The following RASSF5 variants were observed in gnomAD, a reference collection of about 807,000 sequenced individuals.
The protein encoded by RASSF5 is ras association domain-containing protein 5.
A neutral mutation model predicts 40.5 loss-of-function variants in RASSF5; 25 were observed. That is an observed-to-expected ratio of 0.62 (90% CI 0.45 to 0.86). RASSF5 has a LOEUF of 0.86. Among genes scored for constraint, RASSF5 ranks in the 40% least tolerant of loss-of-function variants. The probability of loss-of-function intolerance (pLI) is 0.00; values close to 1 mark genes in which losing one functional copy is unlikely to be tolerated. For synonymous variants in RASSF5, 246 were observed against 252.4 expected (o/e 0.97, Z 0.24); for missense variants, 521 against 572.8 (o/e 0.91, Z 0.92).
In RASSF5 at chr1:206,507,535, CG is replaced by C; in HGVS notation, c.-64del. 1 of 1,260,786 alleles carries C rather than the reference CG, an allele frequency of 7.9e-7. No individual in the cohort carries two copies. Among genetic ancestry groups the C allele is most frequent in the East Asian group, 3.1e-5 (1 of 31,814 alleles). The allele number at this position is 1,260,786 out of a possible 1,614,324, so 78.1% of individuals were successfully genotyped here. A position where few individuals can be genotyped will look rare whatever the true frequency, so the allele number is the denominator to read the frequency against. On this transcript the variant is annotated 5_prime_UTR_variant, in exon 1 of 6. Coordinates refer to ENST00000579436, the MANE Select transcript of RASSF5 (RefSeq NM_182663.4). ...GCTGGTGTGGGGCGGCCCCTTCTCT[CG>C]GGGCTGGCTCGGGAGTAGCGCAGTC...
intron 5 of RASSF5, chr1:206,586,617 C>A: frequency 1.8e-6 from 1 of 548,364 alleles, no homozygotes; most frequent in Non-Finnish European, 3.3e-6. Context: ...AACTCTTGGT[C>A]ATGAGATGCC....
At chr1:206,553,226 C>T (rs1667893078) in intron 2 of RASSF5, among the ~76,000 whole-genome samples, 1 of 151,898 alleles carries the variant, frequency 6.6e-6, no homozygotes, top group Non-Finnish European at 1.5e-5. Context: ...AAGAAAAGGG[C>T]TCAGTAAATA....
intron 2 of RASSF5, chr1:206,542,549 A>G (rs951257815): frequency 6.6e-6 from 1 of 152,166 alleles, no homozygotes; most frequent in Non-Finnish European, 1.5e-5. Flanking sequence ...AGGTATTCCT[A>G]TATAGCAACA....
chr1:206,542,726 A>C (rs946227710), intron 2 of RASSF5: 1 of 152,220 alleles, frequency 6.6e-6, no homozygotes, highest in Non-Finnish European at 1.5e-5. Flanking sequence ...CTATTTACTT[A>C]ACATTTCTCT....
Position 206,532,508 on chromosome 1 carries a change from G to C in RASSF5, c.458-5664G>C, listed in dbSNP as rs1279750041. 2.6e-5 allele frequency among the ~76,000 whole-genome samples: 4 copies of C among 152,242 alleles called. No homozygotes were observed. In the East Asian group the frequency reaches 7.7e-4, roughly 29 times the overall value. ...TCCATGACATCACAGCATAGGCCAGGCTGCTGGTCCTCAGGGAGAGAGGGA... is the reference window on the plus strand; with the variant it reads ...TCCATGACATCACAGCATAGGCCAGCCTGCTGGTCCTCAGGGAGAGAGGGA... On this transcript the variant is annotated intron_variant, in intron 1 of 5. Transcript: ENST00000579436.
chr1:206,561,579 G>A (rs12562659), intron 2 of RASSF5, among the ~76,000 whole-genome samples: 25,264 of 151,510 alleles, frequency 0.17, 2,390 homozygotes, highest in Middle Eastern at 0.35. Flanking sequence ...CTTCCCACTG[G>A]AGACTCCTCC....
At chr1:206,544,546 A>G (rs1404994276) in intron 2 of RASSF5, 1 of 152,118 alleles carries the variant, frequency 6.6e-6, no homozygotes, top group Non-Finnish European at 1.5e-5. Context: ...TTTTTGCTAT[A>G]AGGTTTATGA....
intron 3 of RASSF5, 42 bp downstream of exon 3, chr1:206,583,421 C>G: frequency 7.2e-7 from 1 of 1,393,592 alleles, no homozygotes; most frequent in Non-Finnish European, 1.0e-6. Flanking sequence ...TGCTCCACCA[C>G]CCGCTTCGGG....
chr1:206,533,376 C>T (rs1558502645), intron 1 of RASSF5, among the ~76,000 whole-genome samples: 2 of 152,146 alleles, frequency 1.3e-5, no homozygotes. Flanking sequence ...CTGTTTGGGC[C>T]TAAGGGCTCT....
chr1:206,524,694 T>A (rs12730901), intron 1 of RASSF5, among the ~76,000 whole-genome samples: 6 of 100,446 alleles, frequency 6.0e-5, no homozygotes, highest in Admixed American at 1.2e-4. Context: ...ATTTAATATA[T>A]TATATATTAT....
chr1:206,539,281 A>G (rs1667489981), intron 2 of RASSF5, among the ~76,000 whole-genome samples: 1 of 152,212 alleles, frequency 6.6e-6, no homozygotes, highest in Non-Finnish European at 1.5e-5. Flanking sequence ...ACAGTAGGGT[A>G]AGGGAGTGAG....
rs782145620 is a variant in RASSF5, at chr1:206,586,831, T to G, written c.1110T>G (p.Asp370Glu). 6.2e-6 allele frequency: 10 copies of G among 1,613,556 alleles called. No homozygotes were observed. The highest frequency in any genetic ancestry group is 8.5e-6 in the Non-Finnish European group (10 of 1,179,686). ...KENETGEVEW[D>E]AFSIPELQNF... ...ATCTCCCTCTCGCCTCACAGTGGGA[T>G]GCCTTCTCCATCCCTGAACTTCAGA... The change falls in exon 6 of 6, where the codon GAT becomes GAG. Residue 370 changes from aspartate to glutamate, a missense_variant. Around this residue, in one of 2 missense-constraint regions of RASSF5, gnomAD observed 284 missense variants for 360.8 expected, o/e 0.79. Transcript: ENST00000579436.
chr1:206,514,746 TG>T (rs1666705305), intron 1 of RASSF5, among the ~76,000 whole-genome samples: 2 of 152,354 alleles, frequency 1.3e-5, no homozygotes, highest in South Asian at 4.1e-4. Context: ...TTGTTTCTAC[TG>T]GATGCTAGAG....
At chr1:206,547,240 C>T (rs536460059) in intron 2 of RASSF5, among the ~76,000 whole-genome samples, 1 of 152,292 alleles carries the variant, frequency 6.6e-6, no homozygotes, top group East Asian at 1.9e-4. Context: ...GCCAGGGGTC[C>T]CAGCCCCCAG....
intron 1 of RASSF5, among the ~76,000 whole-genome samples, chr1:206,512,404 G>A (rs1329852691): frequency 6.6e-6 from 1 of 152,210 alleles, no homozygotes. Flanking sequence ...ATCAGAGCAT[G>A]AAATTTTCTG....
chr1:206,515,202 G>A (rs1666715656), intron 1 of RASSF5, among the ~76,000 whole-genome samples: 1 of 152,224 alleles, frequency 6.6e-6, no homozygotes, highest in Non-Finnish European at 1.5e-5. Flanking sequence ...AGGAAAAAAA[G>A]GGAGGTGAGC....
chr1:206,548,757 C>A (rs1572330827), intron 2 of RASSF5, among the ~76,000 whole-genome samples: 1 of 152,158 alleles, frequency 6.6e-6, no homozygotes, highest in South Asian at 2.1e-4. Context: ...TCATACCCCC[C>A]CACTCTGAGG....
chr1:206,579,968 G>A lies in RASSF5; in HGVS notation c.580-3301G>A, dbSNP rs781846337. Among the ~76,000 whole-genome samples, 5 of 152,214 alleles carry A rather than the reference G, an allele frequency of 3.3e-5. No homozygotes were observed. The highest frequency in any genetic ancestry group is 7.3e-5 in the Non-Finnish European group (5 of 68,036). Reference sequence around the variant, plus strand: ...ACCTGGGTGCTGGCATTCCATGGCTGTGACATTCGTAGTGTTGGCTACACA... The same window carrying A: ...ACCTGGGTGCTGGCATTCCATGGCTATGACATTCGTAGTGTTGGCTACACA... On this transcript the variant is annotated intron_variant, in intron 2 of 5. Transcript: ENST00000579436. The surrounding 1 kb of genome is among the most constrained non-coding windows in gnomAD (Gnocchi z 4.2).
intron 1 of RASSF5, among the ~76,000 whole-genome samples, chr1:206,537,570 T>A (rs959066701): frequency 3.3e-5 from 5 of 152,308 alleles, no homozygotes; most frequent in Non-Finnish European, 7.4e-5. Flanking sequence ...ATTTTGGACT[T>A]TTTTCAGATT....
Sources: allele counts gnomAD v4.1 joint callset (sites outside exome capture counted in the v4.1 genomes callset), GRCh38; gene constraint gnomAD v4.1.1; regional missense constraint gnomAD v4.1.1; non-coding constraint Gnocchi (gnomAD v3.1); transcripts MANE v1.5; gene names NCBI Gene and HGNC (gene_info 2026-07-23, HGNC 2026-07-21).